Variants in ROBO1 observed in about 807,000 individuals in gnomAD.
ROBO1 encodes roundabout guidance receptor 1, also known as roundabout homolog 1.
A neutral mutation model predicts 195.9 loss-of-function variants in ROBO1; 149 were observed. The ratio of observed to expected loss-of-function variants is 0.76; its 90% confidence interval spans 0.67 to 0.87. The LOEUF is 0.87. Ranked by LOEUF, ROBO1 falls within the 40% of genes least tolerant of loss-of-function variation. The pLI is 0.00. For synonymous variants in ROBO1, 816 were observed against 733.2 expected (o/e 1.11, Z -1.82); for missense variants, 1,933 against 2,068.3 (o/e 0.93, Z 1.27).
intron 2 of ROBO1, among the ~76,000 whole-genome samples, chr3:79,172,228 G>A (rs1055730939): frequency 6.6e-6 from 1 of 152,090 alleles, no homozygotes; most frequent in Admixed American, 6.6e-5. Flanking sequence ...AGTTACTTAG[G>A]AGAAACTATT....
intron 2 of ROBO1, among the ~76,000 whole-genome samples, chr3:79,135,038 T>TAAAAA (rs372948758): frequency 3.4e-5 from 5 of 148,580 alleles, no homozygotes; most frequent in African/African-American, 1.2e-4. Flanking sequence ...TAGAGTATAA[T>TAAAAA]AAAAAAAAAC....
intron 1 of ROBO1, among the ~76,000 whole-genome samples, chr3:79,712,626 C>T (rs921556537): frequency 6.6e-6 from 1 of 152,112 alleles, no homozygotes; most frequent in African/African-American, 2.4e-5. Flanking sequence ...GGTAAGATCA[C>T]TGATGCAGGT....
intron 2 of ROBO1, among the ~76,000 whole-genome samples, chr3:79,259,942 C>T (rs2108937173): frequency 6.6e-6 from 1 of 152,166 alleles, no homozygotes; most frequent in African/African-American, 2.4e-5. Flanking sequence ...TATTTTGTTT[C>T]AGGCCTCTGA....
chr3:79,404,963 G>C (rs2037490419), intron 2 of ROBO1, among the ~76,000 whole-genome samples: 1 of 151,888 alleles, frequency 6.6e-6, no homozygotes, highest in South Asian at 2.1e-4. Context: ...AACCCTCCTT[G>C]TATTAAAAAA....
intron 2 of ROBO1, among the ~76,000 whole-genome samples, chr3:79,252,419 G>A (rs992887708): frequency 1.3e-5 from 2 of 152,106 alleles, no homozygotes; most frequent in African/African-American, 2.4e-5. Context: ...AAGCTGTCAC[G>A]AACTAAGGAA....
At chr3:79,495,425 C>A (rs949697076) in intron 2 of ROBO1, among the ~76,000 whole-genome samples, 3 of 151,804 alleles carry the variant, frequency 2.0e-5, no homozygotes, top group Admixed American at 6.6e-5. Flanking sequence ...CATAAAAAAA[C>A]CCAGAAATGA....
At chr3:79,029,298 T>A (rs905246558) in intron 3 of ROBO1, among the ~76,000 whole-genome samples, 9 of 152,048 alleles carry the variant, frequency 5.9e-5, no homozygotes, top group Non-Finnish European at 1.2e-4. Context: ...AAAATAATTT[T>A]TAAAAAGTCA....
chr3:78,788,993 G>C (rs1334485152), intron 4 of ROBO1, among the ~76,000 whole-genome samples: 1 of 152,092 alleles, frequency 6.6e-6, no homozygotes, highest in African/African-American at 2.4e-5. Context: ...ATTATGAATT[G>C]ACTCATTTCA....
At chr3:79,049,646 G>A (rs2078658957) in intron 3 of ROBO1, among the ~76,000 whole-genome samples, 1 of 152,144 alleles carries the variant, frequency 6.6e-6, no homozygotes, top group African/African-American at 2.4e-5. Context: ...GGCAGCCAGA[G>A]AGAAGGGTCA....
At chr3:78,610,799 CAATT>C (rs1703765292) in intron 28 of ROBO1, among the ~76,000 whole-genome samples, 1 of 152,022 alleles carries the variant, frequency 6.6e-6, no homozygotes, top group Admixed American at 6.6e-5. Flanking sequence ...ACCTAATTGA[CAATT>C]AGAGAGGGAA....
At chr3:79,179,110 G>A (rs1460903927) in intron 2 of ROBO1, among the ~76,000 whole-genome samples, 3 of 152,072 alleles carry the variant, frequency 2.0e-5, no homozygotes, top group Admixed American at 1.3e-4. Flanking sequence ...TCCCTCAAAC[G>A]ATGTTTCAAA....
chr3:79,138,287 T>A (rs529702656), intron 2 of ROBO1, among the ~76,000 whole-genome samples: 1 of 152,148 alleles, frequency 6.6e-6, no homozygotes, highest in East Asian at 1.9e-4. Context: ...GAGTACACAA[T>A]CAATACTTTT....
Position 78,988,220 on chromosome 3 carries a change from G to A in ROBO1, c.173-49293C>T, listed in dbSNP as rs150269568. 2.0e-4 allele frequency among the ~76,000 whole-genome samples: 30 copies of A among 151,990 alleles called. No individual in the cohort carries two copies. In the East Asian group the frequency reaches 3.5e-3, roughly 18 times the overall value. On this transcript the variant is annotated intron_variant, in intron 3 of 30. Coordinates refer to ENST00000464233, the MANE Select transcript of ROBO1 (RefSeq NM_002941.4). ...CTCTCATTCTTTTACAACTTAATTC[G>A]AAGTTCCCTTTTTGTCAGCGTTTTC...
At chr3:79,219,253 G>A (rs980761902) in intron 2 of ROBO1, among the ~76,000 whole-genome samples, 1 of 151,866 alleles carries the variant, frequency 6.6e-6, no homozygotes, top group Non-Finnish European at 1.5e-5. Context: ...CCTGTGTGAT[G>A]GGTATACAAA....
Position 78,825,034 on chromosome 3 carries a change from A to G in ROBO1, c.500-78134T>C, listed in dbSNP as rs773409208. Among the ~76,000 whole-genome samples the G allele has an allele frequency of 3.9e-5, 6 of 152,256 alleles. No homozygotes were observed. The South Asian group carries it at 1.0e-3, about 26-fold the overall frequency. On this transcript the variant is annotated intron_variant, in intron 4 of 30. Transcript: ENST00000464233. ...TCTTTTCTAAATAACCTCTTTTTCT[A>G]TAAAACTCAATTTAAATCCCTTTTA...
intron 8 of ROBO1, among the ~76,000 whole-genome samples, chr3:78,713,858 T>C (rs2081829195): frequency 6.6e-6 from 1 of 152,240 alleles, no homozygotes; most frequent in Non-Finnish European, 1.5e-5. Context: ...TGATATTTAT[T>C]GAGTGTTTGT....
intron 2 of ROBO1, among the ~76,000 whole-genome samples, chr3:79,174,991 A>G (rs2081241135): frequency 1.3e-5 from 2 of 152,282 alleles, no homozygotes; most frequent in South Asian, 4.1e-4. Flanking sequence ...CCAAGGTAGA[A>G]AAAAGTTATT....
At chr3:79,706,050 A>G (rs1031880486) in intron 1 of ROBO1, among the ~76,000 whole-genome samples, 1 of 152,100 alleles carries the variant, frequency 6.6e-6, no homozygotes, top group African/African-American at 2.4e-5. Context: ...TTAGTTCCAG[A>G]AGATTTTTGT....
intron 23 of ROBO1, among the ~76,000 whole-genome samples, chr3:78,634,895 C>T (rs1332399722): frequency 2.6e-5 from 4 of 152,024 alleles, no homozygotes; most frequent in Admixed American, 2.6e-4. Context: ...TGTGATAAAT[C>T]GCATTTTCAA....
Sources: allele counts gnomAD v4.1 joint callset (sites outside exome capture counted in the v4.1 genomes callset), GRCh38; gene constraint gnomAD v4.1.1; transcripts MANE v1.5; gene names NCBI Gene and HGNC (gene_info 2026-07-23, HGNC 2026-07-21).